BRD8: variants seen among roughly 807,000 people sequenced by gnomAD.
BRD8 encodes the protein bromodomain-containing protein 8.
BRD8 carries 67 observed loss-of-function variants against 143.1 expected under a neutral mutation model. The ratio of observed to expected loss-of-function variants is 0.47; its 90% CI spans 0.38 to 0.57. The LOEUF is 0.57. Among genes scored for constraint, BRD8 ranks in the 20% least tolerant of loss-of-function variants. The pLI is 0.00. For missense variants in BRD8, 1,103 were observed against 1,503.0 expected (o/e 0.73, Z 4.40); for synonymous variants, 505 against 517.1 (o/e 0.98, Z 0.32).
chr5:138,169,458 G>A, intron 7 of BRD8, 100 bp from the exon 8 acceptor site: 1 of 1,325,852 alleles, frequency 7.5e-7, no homozygotes, highest in Non-Finnish European at 1.0e-6. Context: ...TAGGTATGTT[G>A]CATTACTAAA....
At chr5:138,175,912 CA>C (rs59338837) in intron 2 of BRD8, among the ~76,000 whole-genome samples, 33 of 18,600 alleles carry the variant, frequency 1.8e-3, no homozygotes, top group African/African-American at 3.5e-3. Context: ...ACCCTGTCTG[CA>C]AAAAAAAAAA....
intron 15 of BRD8, among the ~76,000 whole-genome samples, chr5:138,162,421 C>A (rs982201264): frequency 1.3e-5 from 2 of 151,994 alleles, no homozygotes; most frequent in African/African-American, 2.4e-5. Context: ...GTCTCGAACT[C>A]CTGGGTTCCA....
At position 138,178,585 on chromosome 5, in the gene BRD8, C is replaced by A. The variant is rs1429462567; in HGVS notation, c.19+11G>T. The A allele has an allele frequency of 3.7e-6, 6 of 1,613,276 alleles. No homozygotes were observed. Among genetic ancestry groups the A allele is most frequent in the Non-Finnish European group, 1.7e-6 (2 of 1,179,378 alleles). On this transcript the variant is annotated intron_variant, in intron 1 of 26. Transcript: ENST00000254900. ...AAAGGCCTTTCACGCAAAACCTGCT[C>A]AGATACTCACTGCCCGTTCCCGTCG...
chr5:138,149,741 C>T lies in BRD8; in HGVS notation c.3177G>A (p.Glu1059=), dbSNP rs529795012. 1 of 1,613,798 alleles carries T rather than the reference C, an allele frequency of 6.2e-7. No homozygotes were observed. The highest frequency in any genetic ancestry group is 1.1e-5 in the South Asian group (1 of 91,014). ...GEDQGEVYVS[E]MEDQPPSGEC... The stretch of plus-strand genomic sequence containing the variant: ...CGCCTGAAGGGGGCTGGTCTTCCAT[C>T]TCTGACACATATACTTCACCCTGGT... The change falls in exon 23 of 27, where the codon GAG becomes GAA. Residue 1059 remains glutamate (E), a synonymous_variant. Coordinates refer to ENST00000254900, the MANE Select transcript of BRD8 (RefSeq NM_139199.2).
intron 25 of BRD8, among the ~76,000 whole-genome samples, chr5:138,143,142 G>A (rs537747304): frequency 1.5e-4 from 22 of 151,516 alleles, no homozygotes; most frequent in Admixed American, 5.9e-4. Flanking sequence ...AAAATTAGCC[G>A]GGCATGGTGG....
chr5:138,159,647 G>A, intron 19 of BRD8, 48 bp from the exon 20 acceptor site: 1 of 1,589,286 alleles, frequency 6.3e-7, no homozygotes, highest in Non-Finnish European at 8.6e-7. Flanking sequence ...GAAACTCTCA[G>A]CCACAAGCAC....
At position 138,155,498 on chromosome 5, in the gene BRD8, T is replaced by TA. The variant is rs113571750; in HGVS notation, c.2578-2739dup. On this transcript the variant is annotated intron_variant, in intron 20 of 26. Transcript: ENST00000254900. ...TGGCCAGGAGCAGTCACTCATCACT[T>TA]AAAAAAAAAAAAGTTATTAACAGAA... Among the ~76,000 whole-genome samples the TA allele has an allele frequency of 1.6e-3, 238 of 144,606 alleles. 3 individuals carry two copies. In the East Asian group the frequency reaches 0.019, roughly 12 times the overall value. The allele number at this position is 144,606 out of a possible 152,430, so 94.9% of individuals were successfully genotyped here. A position where few individuals can be genotyped will look rare whatever the true frequency, so the allele number is the denominator to read the frequency against.
intron 15 of BRD8, among the ~76,000 whole-genome samples, chr5:138,162,745 T>G (rs957009573): frequency 4.0e-5 from 6 of 151,726 alleles, no homozygotes; most frequent in African/African-American, 1.5e-4. Flanking sequence ...GCCTGTAATC[T>G]CAGCACTTTG....
chr5:138,153,012 T>G (rs1752431023), intron 20 of BRD8, among the ~76,000 whole-genome samples: 1 of 152,208 alleles, frequency 6.6e-6, no homozygotes, highest in Non-Finnish European at 1.5e-5. Flanking sequence ...AATAGAGACA[T>G]TAATATTACC....
chr5:138,162,301 C>T (rs1016485072), intron 15 of BRD8, among the ~76,000 whole-genome samples, 155 bp from the exon 16 acceptor site: 2 of 152,124 alleles, frequency 1.3e-5, no homozygotes, highest in African/African-American at 4.8e-5. Flanking sequence ...CAGACTCAAT[C>T]CTCTCACCTC....
At position 138,160,132 on chromosome 5, in the gene BRD8, A is replaced by C. The variant is rs775918002; in HGVS notation, c.2469T>G (p.Ser823=). 1 of 1,614,214 alleles carries C rather than the reference A, an allele frequency of 6.2e-7. No individual in the cohort carries two copies. The highest frequency in any genetic ancestry group is 1.1e-5 in the South Asian group (1 of 91,088). The change falls in exon 19 of 27, where the codon TCT becomes TCG. Residue 823 remains serine, a synonymous_variant. Transcript: ENST00000254900. ...ATQLIMQTSE[S]GISAKSLRGR... ...CTCGAAGACTTTTAGCACTGATCCC[A>C]GACTCGGATGTTTGCATAATCAACT...
intron 23 of BRD8, among the ~76,000 whole-genome samples, chr5:138,148,103 G>C (rs1752227501): frequency 7.8e-6 from 1 of 127,714 alleles, no homozygotes; most frequent in African/African-American, 3.0e-5. Flanking sequence ...ACTGGAGGAA[G>C]AAGAAGAATT....
chr5:138,168,363 T>C, intron 8 of BRD8: 1 of 829,358 alleles, frequency 1.2e-6, no homozygotes, highest in Non-Finnish European at 2.0e-6. Flanking sequence ...TAGGAGATCT[T>C]TTCCTCTTTT....
chr5:138,140,918 C>T (rs764912523), intron 25 of BRD8, 36 bp from the exon 26 acceptor site: 3 of 1,607,644 alleles, frequency 1.9e-6, no homozygotes, highest in African/African-American at 2.7e-5. Flanking sequence ...GAAAATCAAA[C>T]CTTCATGTGG....
At chr5:138,169,200 C>T in intron 8 of BRD8, 22 bp downstream of exon 8, 1 of 1,609,866 alleles carries the variant, frequency 6.2e-7, no homozygotes, top group Non-Finnish European at 8.5e-7. Context: ...TGATCAATTC[C>T]CACAGATGGA....
intron 8 of BRD8, chr5:138,168,821 C>A: frequency 1.6e-6 from 1 of 627,882 alleles, no homozygotes; most frequent in Non-Finnish European, 2.8e-6. Context: ...CTCTATCCCT[C>A]CTGCTCTTAG....
Position 138,164,779 on chromosome 5 carries a change from T to C in BRD8, c.1666A>G (p.Ile556Val), listed in dbSNP as rs767230277. The change falls in exon 12 of 27, where the codon ATT becomes GTT. Residue 556 changes from isoleucine to valine, a missense_variant. Physicochemically the swap from Ile to Val is conservative, Grantham distance 29. This residue lies in a region of BRD8 where 139 missense variants were observed against 139.0 expected (regional missense o/e 1.00). Transcript: ENST00000254900. ...EELGSTAAGE[I>V]VEADVAIGKG... is the part of the protein sequence containing the mutation. ...CCAATGGCAACATCTGCTTCAACAA[T>C]CTCTCCAGCTGCAGTACTTCCCAGT... 3 of 1,614,224 alleles carry C rather than the reference T, an allele frequency of 1.9e-6. No homozygotes were observed. The East Asian group carries it at 6.7e-5, about 36-fold the overall frequency.
rs1754343571 is a variant in BRD8 at position 138,176,470 on chromosome 5, A to T, written c.116+1101T>A. On this transcript the variant is annotated intron_variant, in intron 2 of 26. Coordinates refer to ENST00000254900, the MANE Select transcript of BRD8 (RefSeq NM_139199.2). Reference sequence around the variant, plus strand: ...ATGGCTGTAATCCCAGCTACTTGGGAGGCTAAGGCACGATAATCGCTTGAA... The same window carrying T: ...ATGGCTGTAATCCCAGCTACTTGGGTGGCTAAGGCACGATAATCGCTTGAA... Among the ~76,000 whole-genome samples, 3 of 152,244 alleles carry T rather than the reference A, an allele frequency of 2.0e-5. No individual in the cohort carries two copies. The East Asian group carries it at 5.8e-4, about 29-fold the overall frequency.
chr5:138,173,696 G>A (rs563184606), intron 2 of BRD8, among the ~76,000 whole-genome samples: 15 of 152,214 alleles, frequency 9.9e-5, no homozygotes, highest in Admixed American at 7.9e-4. Context: ...CCCCACCCAA[G>A]TAGCTGAAAT....
Sources: allele counts gnomAD v4.1 joint callset (sites outside exome capture counted in the v4.1 genomes callset), GRCh38; gene constraint gnomAD v4.1.1; regional missense constraint gnomAD v4.1.1; transcripts MANE v1.5; gene names NCBI Gene and HGNC (gene_info 2026-07-23, HGNC 2026-07-21).